Variants in ANKRD6 observed in about 807,000 individuals in gnomAD.
ANKRD6 encodes ankyrin repeat domain-containing protein 6.
A neutral mutation model predicts 82.3 loss-of-function variants in ANKRD6; 56 were observed. That is an observed-to-expected ratio of 0.68 (90% confidence interval 0.55 to 0.85). The LOEUF is 0.85. Ranked by LOEUF, ANKRD6 falls within the 40% of genes least tolerant of loss-of-function variation. The probability of loss-of-function intolerance (pLI) is 0.00; values close to 1 mark genes in which losing one functional copy is unlikely to be tolerated. For missense variants in ANKRD6, 852 were observed against 907.6 expected (o/e 0.94, Z 0.79); for synonymous variants, 347 against 352.1 (o/e 0.99, Z 0.16).
chr6:89,537,464 A>G (rs1267662204), intron 1 of ANKRD6, among the ~76,000 whole-genome samples: 1 of 152,178 alleles, frequency 6.6e-6, no homozygotes, highest in East Asian at 1.9e-4. Flanking sequence ...TTCAGATGCT[A>G]AATGAGTCCA....
intron 1 of ANKRD6, among the ~76,000 whole-genome samples, chr6:89,446,212 C>T (rs1259015122): frequency 6.6e-6 from 1 of 152,036 alleles, no homozygotes; most frequent in East Asian, 1.9e-4. Context: ...ATTAACTGGG[C>T]ATGCTGGTGC....
intron 3 of ANKRD6, among the ~76,000 whole-genome samples, chr6:89,599,252 G>A (rs1487231667): frequency 6.6e-6 from 1 of 152,074 alleles, no homozygotes; most frequent in East Asian, 1.9e-4. Context: ...AAATGCCTGT[G>A]GTCCCAGCTA....
At chr6:89,529,832 A>G (rs1782924993) in intron 1 of ANKRD6, among the ~76,000 whole-genome samples, 1 of 152,214 alleles carries the variant, frequency 6.6e-6, no homozygotes. Flanking sequence ...TGGAGGAGTC[A>G]GAGTACACAT....
intron 13 of ANKRD6, 29 bp downstream of exon 13, chr6:89,624,720 G>C (rs1265123221): frequency 6.3e-7 from 1 of 1,594,832 alleles, no homozygotes; most frequent in South Asian, 1.1e-5. Flanking sequence ...CTTCCTAATT[G>C]CAAGGTGTTC....
In ANKRD6 at chr6:89,632,379, G is replaced by A. The variant is rs915828934; in HGVS notation, c.*1375G>A. ...ACATTCCTAAAAGAAAAATAATTCAGTAGATATATGTCACTGTTACCTGAA... is the reference window on the plus strand; with the variant it reads ...ACATTCCTAAAAGAAAAATAATTCAATAGATATATGTCACTGTTACCTGAA... On this transcript the variant is annotated 3_prime_UTR_variant, in exon 16 of 16. Transcript: ENST00000339746. 3.1e-5 allele frequency: 4 copies of A among 129,340 alleles called. No individual in the cohort carries two copies. Among genetic ancestry groups the A allele is most frequent in the Non-Finnish European group, 6.7e-5 (4 of 60,070 alleles). 8.0% of individuals were successfully genotyped at this position (129,340 alleles called of 1,614,324 possible).
intron 1 of ANKRD6, among the ~76,000 whole-genome samples, chr6:89,529,138 AG>A (rs1298567962): frequency 6.6e-6 from 1 of 152,214 alleles, no homozygotes; most frequent in Non-Finnish European, 1.5e-5. Context: ...ACTTCCCTCT[AG>A]CTATGAAAGT....
At chr6:89,488,778 A>C (rs1777661637) in intron 1 of ANKRD6, among the ~76,000 whole-genome samples, 1 of 152,220 alleles carries the variant, frequency 6.6e-6, no homozygotes, top group South Asian at 2.1e-4. Flanking sequence ...ACTGTGACCC[A>C]CTATGAGAAC....
chr6:89,560,184 C>T (rs1034424958), intron 1 of ANKRD6, among the ~76,000 whole-genome samples: 3 of 152,188 alleles, frequency 2.0e-5, no homozygotes, highest in African/African-American at 7.2e-5. Context: ...ATACCACACA[C>T]TGGGTGGCTT....
At position 89,632,689 on chromosome 6, in the gene ANKRD6, G is replaced by A. The variant is rs773857400; in HGVS notation, c.*1685G>A. 6.6e-6 allele frequency: 1 copy of A among 152,134 alleles called. No homozygotes were observed. The highest frequency in any genetic ancestry group is 2.1e-4 in the South Asian group (1 of 4,830). The allele number at this position is 152,134 out of a possible 1,614,324, so 9.4% of individuals were successfully genotyped here. On this transcript the variant is annotated 3_prime_UTR_variant, in exon 16 of 16. Coordinates refer to ENST00000339746, the MANE Select transcript of ANKRD6 (RefSeq NM_001242809.2). Reference sequence around the variant, plus strand: ...AGCTTGTCTTGTTCTCAACTACTACGCAGGTAGACAGTCTTCCCCCAGAGA... The same window carrying A: ...AGCTTGTCTTGTTCTCAACTACTACACAGGTAGACAGTCTTCCCCCAGAGA...
intron 5 of ANKRD6, among the ~76,000 whole-genome samples, chr6:89,610,354 G>A (rs1799908679): frequency 2.6e-5 from 4 of 152,064 alleles, no homozygotes; most frequent in Admixed American, 2.0e-4. Flanking sequence ...TACAGTATGC[G>A]GCCTTCTGTG....
chr6:89,526,828 A>T (rs959949730), intron 1 of ANKRD6, among the ~76,000 whole-genome samples: 3 of 152,214 alleles, frequency 2.0e-5, no homozygotes, highest in African/African-American at 7.2e-5. Flanking sequence ...CCTGAAAACC[A>T]GAAGAGCCAA....
intron 1 of ANKRD6, among the ~76,000 whole-genome samples, chr6:89,523,069 C>A (rs1782066548): frequency 6.6e-6 from 1 of 152,182 alleles, no homozygotes; most frequent in Non-Finnish European, 1.5e-5. Flanking sequence ...CTCCTGAGAG[C>A]TGGAGCAGCC....
chr6:89,583,583 G>A (rs977495176), intron 2 of ANKRD6, among the ~76,000 whole-genome samples: 2 of 152,154 alleles, frequency 1.3e-5, no homozygotes, highest in Non-Finnish European at 2.9e-5. Flanking sequence ...GGAAGAATTG[G>A]TATGGCAGGT....
Position 89,538,941 on chromosome 6 carries a change from T to G in ANKRD6, c.-143-27893T>G, listed in dbSNP as rs559489802. 5.5e-4 allele frequency among the ~76,000 whole-genome samples: 84 copies of G among 152,330 alleles called. 1 individual carries two copies. The Middle Eastern group carries it at 0.01, about 19-fold the overall frequency. ...AAAGAACAGAGTTTCAACAGATTCT[T>G]ATGACATATTCCATAATTTGATAAC... On this transcript the variant is annotated intron_variant, in intron 1 of 15. Coordinates refer to ENST00000339746, the MANE Select transcript of ANKRD6 (RefSeq NM_001242809.2).
intron 2 of ANKRD6, among the ~76,000 whole-genome samples, chr6:89,571,636 C>A (rs2128089485): frequency 6.6e-6 from 1 of 152,014 alleles, no homozygotes; most frequent in East Asian, 1.9e-4. Context: ...GTTTTAGATT[C>A]ACAGCAAAAT....
intron 1 of ANKRD6, among the ~76,000 whole-genome samples, chr6:89,464,828 C>T (rs1313257079): frequency 6.6e-6 from 1 of 152,128 alleles, no homozygotes; most frequent in African/African-American, 2.4e-5. Flanking sequence ...ATTGGGTGGG[C>T]CAGGACAGAG....
intron 8 of ANKRD6, chr6:89,616,979 A>C: frequency 2.0e-6 from 1 of 506,774 alleles, no homozygotes; most frequent in Non-Finnish European, 3.8e-6. Context: ...CTGTAAATGC[A>C]TGTGATGCTC....
intron 1 of ANKRD6, among the ~76,000 whole-genome samples, chr6:89,439,857 C>T (rs185049345): frequency 6.6e-6 from 1 of 152,172 alleles, no homozygotes; most frequent in Admixed American, 6.5e-5. Flanking sequence ...CCACCATACT[C>T]GGTTAATTTT....
At chr6:89,618,224 A>G (rs1802104649) in intron 9 of ANKRD6, 193 bp downstream of exon 9, 1 of 713,956 alleles carries the variant, frequency 1.4e-6, no homozygotes, top group Non-Finnish European at 2.5e-6. Context: ...CTTCGTGTTC[A>G]TGCCTGGGCC....
Sources: gnomAD v4.1 joint callset for allele counts (sites outside exome capture counted in the v4.1 genomes callset) on GRCh38, gnomAD v4.1.1 for gene constraint, MANE v1.5 for transcripts, NCBI Gene and HGNC (gene_info 2026-07-23, HGNC 2026-07-21) for gene names.